CCAR2: variants seen among roughly 807,000 people sequenced by gnomAD.
The protein encoded by CCAR2 is cell cycle and apoptosis regulator protein 2.
CCAR2 carries 21 observed loss-of-function variants against 108.1 expected under a neutral mutation model. The observed-to-expected ratio is 0.19, with a 90% CI of 0.14 to 0.28. The LOEUF (loss-of-function observed/expected upper bound fraction) is 0.28, where lower values mean the gene tolerates loss of function less well. Ranked by LOEUF, CCAR2 falls within the 10% of genes least tolerant of loss-of-function variation. The probability of loss-of-function intolerance (pLI) is 1.00; values close to 1 mark genes in which losing one functional copy is unlikely to be tolerated. For synonymous variants in CCAR2, 577 were observed against 472.8 expected, an observed-to-expected ratio of 1.22 and a Z score of -2.86; for missense variants, 1,126 against 1,177.0, an observed-to-expected ratio of 0.96 and a Z score of 0.63.
At position 22,616,032 on chromosome 8, in the gene CCAR2, G is replaced by C; in HGVS notation, c.1629G>C (p.Leu543=). The change falls in exon 14 of 21, where the codon CTG becomes CTC. Residue 543 remains leucine (L), a synonymous_variant. Coordinates refer to ENST00000308511, the MANE Select transcript of CCAR2 (RefSeq NM_001393997.1). ...ATCAGGTGATGGTGCTGGCCGAGCT[G>C]TTTCTGGAGATGCTCCAGAGGGATT... ...ISFEVMVLAE[L]FLEMLQRDFG... is the part of the protein sequence containing the mutation. 6.2e-7 allele frequency: 1 copy of C among 1,614,080 alleles called. No homozygotes were observed.
In CCAR2 at chr8:22,618,180, T is replaced by C; in HGVS notation, c.2074-169T>C. The C allele has an allele frequency of 3.6e-6, 3 of 826,472 alleles. No homozygotes were observed. In the South Asian group the frequency reaches 4.8e-5, roughly 13 times the overall value. 51.2% of individuals were successfully genotyped at this position (826,472 alleles called of 1,614,324 possible). Reference sequence around the variant, plus strand: ...AATATAGTGCACTGCAGCCTCGAACTCCTGGGTTCAAGTGATTCTCCTGCC... The same window carrying C: ...AATATAGTGCACTGCAGCCTCGAACCCCTGGGTTCAAGTGATTCTCCTGCC... On this transcript the variant is annotated intron_variant, in intron 16 of 20. Transcript: ENST00000308511.
intron 6 of CCAR2, 27 bp downstream of exon 6, chr8:22,607,352 G>C (rs769758401): frequency 1.2e-6 from 2 of 1,605,576 alleles, no homozygotes; most frequent in Non-Finnish European, 1.7e-6. Context: ...CTGTTGTTGG[G>C]TGTGGCATTA....
At chr8:22,611,941 C>G (rs1372830374) in intron 7 of CCAR2, among the ~76,000 whole-genome samples, 1 of 124,966 alleles carries the variant, frequency 8.0e-6, no homozygotes, top group Non-Finnish European at 1.7e-5. Context: ...TTGTAACTGT[C>G]TCTCTTTTTT....
chr8:22,605,669 C>G, intron 1 of CCAR2, 67 bp from the exon 2 acceptor site: 1 of 929,882 alleles, frequency 1.1e-6, no homozygotes, highest in South Asian at 1.4e-5. Flanking sequence ...TTAAGATTCT[C>G]CACTTTTCCG....
intron 6 of CCAR2, 69 bp downstream of exon 6, chr8:22,607,394 T>A: frequency 6.3e-7 from 1 of 1,583,426 alleles, no homozygotes; most frequent in Non-Finnish European, 8.6e-7. Flanking sequence ...ACTTTCAGGT[T>A]GCTGCTCTTA....
Position 22,619,252 on chromosome 8 carries a change from C to T in CCAR2, c.2624C>T (p.Ala875Val). 6.4e-7 allele frequency: 1 copy of T among 1,566,694 alleles called. No homozygotes were observed. The highest frequency in any genetic ancestry group is 1.7e-4 in the Middle Eastern group (1 of 5,988). Residue 875 changes from alanine (A) to valine (V), a missense_variant, in exon 20 of 21, where the codon GCC becomes GTC. Around this residue, in one of 4 missense-constraint regions of CCAR2, gnomAD observed 1,013 missense variants for 993.9 expected, o/e 1.02. Coordinates refer to ENST00000308511, the MANE Select transcript of CCAR2 (RefSeq NM_001393997.1). ...RVRLAEAEET[A>V]RTAERQKSQL... Reference sequence around the variant, plus strand: ...CGGCTGGCGGAGGCCGAGGAGACCGCCCGGACGGCGGAGCGACAGAAGAGC... The same window carrying T: ...CGGCTGGCGGAGGCCGAGGAGACCGTCCGGACGGCGGAGCGACAGAAGAGC...
At position 22,604,758 on chromosome 8, in the gene CCAR2, G is replaced by A. The variant is rs200618336; in HGVS notation, c.-123G>A. 4.4e-6 allele frequency: 2 copies of A among 456,264 alleles called. No individual in the cohort carries two copies. Among genetic ancestry groups the A allele is most frequent in the Non-Finnish European group, 8.8e-6 (2 of 226,884 alleles). 28.3% of individuals were successfully genotyped at this position (456,264 alleles called of 1,614,324 possible). ...TCCGACCAGTGGTCGCGCTTCCGGA[G>A]AGGCGCTTCCGGTGGCGGCGGCAGC... On this transcript the variant is annotated 5_prime_UTR_variant, in exon 1 of 21. Transcript: ENST00000308511.
chr8:22,615,658 G>A (rs1563920809), intron 12 of CCAR2, 24 bp from the exon 13 acceptor site: 1 of 1,613,770 alleles, frequency 6.2e-7, no homozygotes, highest in Non-Finnish European at 8.5e-7. Flanking sequence ...GACCCAGAGG[G>A]TCTCATTTCA....
Position 22,614,477 on chromosome 8 carries a change from C to G in CCAR2, c.1015C>G (p.Pro339Ala). The G allele has an allele frequency of 6.2e-7, 1 of 1,614,100 alleles. No individual in the cohort carries two copies. The highest frequency in any genetic ancestry group is 1.7e-5 in the Admixed American group (1 of 60,030). ...TGACATGGCTGAGCCAAGGGAGACG[C>G]CAGAGCATCCTCTGAAGCAGATTAA... ...VDDMAEPRETPEHPLKQIKFL... is the reference protein window; with the variant it reads ...VDDMAEPRETAEHPLKQIKFL... Residue 339 changes from proline to alanine, a missense_variant, in exon 10 of 21, where the codon CCA (proline) becomes GCA (alanine). Pro to Ala is a conservative substitution (Grantham distance 27). Transcript: ENST00000308511.
At chr8:22,619,578 C>A in intron 20 of CCAR2, 60 bp from the exon 21 acceptor site, 1 of 1,537,806 alleles carries the variant, frequency 6.5e-7, no homozygotes, top group South Asian at 1.2e-5. Context: ...AGTCCGCAGT[C>A]CGCAGTCCTC....
rs150000557 is a variant in CCAR2 at position 22,615,814 on chromosome 8, C to A, written c.1510C>A (p.Pro504Thr). 34 of 1,613,884 alleles carry A rather than the reference C, an allele frequency of 2.1e-5. No individual in the cohort carries two copies. The highest frequency in any genetic ancestry group is 2.7e-5 in the Non-Finnish European group (32 of 1,180,044). The change falls in exon 13 of 21, where the codon CCC becomes ACC. Residue 504 changes from proline (P) to threonine (T), a missense_variant. Pro to Thr is a conservative substitution (Grantham distance 38, BLOSUM62 -1). Around this residue, in one of 4 missense-constraint regions of CCAR2, gnomAD observed 1,013 missense variants for 993.9 expected, o/e 1.02. Coordinates refer to ENST00000308511, the MANE Select transcript of CCAR2 (RefSeq NM_001393997.1). ...DTDLPEAPPP[P>T]LEPAVIARPG... Reference sequence around the variant, plus strand: ...TGATCTCCCAGAGGCCCCTCCACCCCCCCTAGAACCTGCTGTCATCGCACG... The same window carrying A: ...TGATCTCCCAGAGGCCCCTCCACCCACCCTAGAACCTGCTGTCATCGCACG...
chr8:22,617,685 C>A lies in CCAR2; in HGVS notation c.1991-11C>A, dbSNP rs201630077. The stretch of plus-strand genomic sequence containing the variant: ...GGGCCCTGCTCTCCATTTATCTTGG[C>A]CTTTCTGTAGCAGGAGCAAAGCTGG... On this transcript the variant is annotated splice_polypyrimidine_tract_variant and intron_variant, in intron 15 of 20. Transcript: ENST00000308511. The A allele has an allele frequency of 1.9e-6, 3 of 1,614,034 alleles. No homozygotes were observed. The highest frequency in any genetic ancestry group is 2.5e-6 in the Non-Finnish European group (3 of 1,180,020).
intron 16 of CCAR2, among the ~76,000 whole-genome samples, chr8:22,617,991 C>T (rs1212364558): frequency 1.3e-5 from 2 of 152,138 alleles, no homozygotes; most frequent in African/African-American, 4.8e-5. Flanking sequence ...GGTATTTGAT[C>T]CTCTCCTGAG....
At chr8:22,610,068 C>T (rs138864209) in intron 7 of CCAR2, among the ~76,000 whole-genome samples, 12 of 152,188 alleles carry the variant, frequency 7.9e-5, no homozygotes, top group Middle Eastern at 3.4e-3. Context: ...GAAAAAAATT[C>T]CAAACCCAGG....
In CCAR2 at chr8:22,618,665, C is replaced by T. The variant is rs758593640; in HGVS notation, c.2269C>T (p.Arg757Trp). The T allele has an allele frequency of 5.6e-6, 9 of 1,614,080 alleles. No individual in the cohort carries two copies. Among genetic ancestry groups the T allele is most frequent in the Admixed American group, 1.7e-5 (1 of 60,026 alleles). The change falls in exon 18 of 21, where the codon CGG (arginine) becomes TGG (tryptophan). Residue 757 changes from arginine (R) to tryptophan (W), a missense_variant. Physicochemically the swap from Arg to Trp is moderately radical, Grantham distance 101 (BLOSUM62 -3). Transcript: ENST00000308511. ...GGTGACCCAGAACATCTGCCAGTAC[C>T]GGAGCCTTCAGTACAGCCGCCAGGA... The part of the protein sequence containing the change: ...RVVTQNICQY[R>W]SLQYSRQEGL...
Position 22,614,095 on chromosome 8 carries a change from C to T in CCAR2, c.708C>T (p.Pro236=), listed in dbSNP as rs1801398658. ...TTCCCTTGCTGTCTTCCTGTAGCCC[C>T]ATCTGTGACTTCCTAGAACTCCAGC... ...VHLTPYTVDS[P]ICDFLELQRR... Residue 236 remains proline, a synonymous_variant, in exon 9 of 21, where the codon CCC becomes CCT. Coordinates refer to ENST00000308511, the MANE Select transcript of CCAR2 (RefSeq NM_001393997.1). The T allele has an allele frequency of 1.2e-6, 2 of 1,613,502 alleles. No individual in the cohort carries two copies. Among genetic ancestry groups the T allele is most frequent in the Non-Finnish European group, 8.5e-7 (1 of 1,179,844 alleles).
intron 8 of CCAR2, among the ~76,000 whole-genome samples, 153 bp downstream of exon 8, chr8:22,613,289 G>A (rs1163576226): frequency 6.6e-6 from 1 of 151,718 alleles, no homozygotes; most frequent in Non-Finnish European, 1.5e-5. Context: ...ATACTGTTTG[G>A]TGGTTTGCCT....
At chr8:22,607,927 G>A in intron 6 of CCAR2, 42 bp from the exon 7 acceptor site, 1 of 1,585,632 alleles carries the variant, frequency 6.3e-7, no homozygotes, top group Non-Finnish European at 8.7e-7. Context: ...CACCCGGCCG[G>A]TTTTTAGGGT....
In CCAR2 at chr8:22,617,505, G is replaced by C. The variant is rs1160901456; in HGVS notation, c.1931G>C (p.Cys644Ser). 6.2e-7 allele frequency: 1 copy of C among 1,607,472 alleles called. No individual in the cohort carries two copies. Among genetic ancestry groups the C allele is most frequent in the African/African-American group, 1.3e-5 (1 of 74,524 alleles). ...KPRGEASEDL[C>S]EMALDPELLL... ...CGGGGCGAGGCTTCTGAGGACCTGT[G>C]TGAGATGGCCCTGGACCCAGAACTG... Residue 644 changes from cysteine to serine, a missense_variant, in exon 15 of 21, where the codon TGT becomes TCT. Transcript: ENST00000308511.
Sources: gnomAD v4.1 joint callset for allele counts (sites outside exome capture counted in the v4.1 genomes callset) on GRCh38, gnomAD v4.1.1 for gene constraint, gnomAD v4.1.1 regional missense constraint, MANE v1.5 for transcripts, NCBI Gene and HGNC (gene_info 2026-07-23, HGNC 2026-07-21) for gene names.